ZNRF1: variants seen among roughly 807,000 people sequenced by gnomAD.
ZNRF1 encodes the protein E3 ubiquitin-protein ligase ZNRF1.
A neutral mutation model predicts 18.4 loss-of-function variants in ZNRF1; 3 were observed. That is an observed-to-expected ratio of 0.16 (90% confidence interval 0.07 to 0.42). The LOEUF (loss-of-function observed/expected upper bound fraction) is 0.42. ZNRF1 is among the 10% of genes least tolerant of loss of function. ZNRF1 has a pLI of 0.99. For missense variants in ZNRF1, 310 were observed against 329.8 expected (o/e 0.94, Z 0.47); for synonymous variants, 157 against 144.2 (o/e 1.09, Z -0.64).
intron 1 of ZNRF1, among the ~76,000 whole-genome samples, chr16:75,027,502 T>C (rs2035241581): frequency 6.6e-6 from 1 of 152,154 alleles, no homozygotes; most frequent in Non-Finnish European, 1.5e-5. Context: ...GTTTATAATA[T>C]CAGTCCTTTC....
intron 1 of ZNRF1, among the ~76,000 whole-genome samples, chr16:75,016,333 G>A (rs1224850820): frequency 1.3e-5 from 2 of 151,342 alleles, no homozygotes; most frequent in Non-Finnish European, 2.9e-5. Context: ...CCACCTCCCG[G>A]GTTCAAGCAA....
At chr16:75,053,561 C>A (rs2035632050) in intron 1 of ZNRF1, among the ~76,000 whole-genome samples, 1 of 147,710 alleles carries the variant, frequency 6.8e-6, no homozygotes. Context: ...TGCACTCCAG[C>A]CTTCTGTGAC....
intron 1 of ZNRF1, among the ~76,000 whole-genome samples, chr16:75,014,118 G>A (rs1397635464): frequency 6.6e-6 from 1 of 152,150 alleles, no homozygotes; most frequent in Non-Finnish European, 1.5e-5. Context: ...GGTGTGAGCT[G>A]CCGCGCCTAG....
rs983721221 is a variant in ZNRF1, at chr16:75,040,053, T to C, written c.424+39958T>C. On this transcript the variant is annotated intron_variant, in intron 1 of 4. Coordinates refer to ENST00000335325, the MANE Select transcript of ZNRF1 (RefSeq NM_032268.5). Reference sequence around the variant, plus strand: ...TCTTTCTTTTCTTTCTTTTTTTTTTTTTTTTTTTTTTTTTTGAGTCTTACT... The same window carrying C: ...TCTTTCTTTTCTTTCTTTTTTTTTTCTTTTTTTTTTTTTTTGAGTCTTACT... Among the ~76,000 whole-genome samples, 115 of 131,538 alleles carry C rather than the reference T, an allele frequency of 8.7e-4. 3 individuals are homozygous for C. The highest frequency in any genetic ancestry group is 2.8e-3 in the African/African-American group (98 of 34,474). The allele number at this position is 131,538 out of a possible 152,430, so 86.3% of individuals were successfully genotyped here.
intron 1 of ZNRF1, among the ~76,000 whole-genome samples, chr16:75,046,198 C>T (rs751159144): frequency 6.6e-6 from 1 of 151,896 alleles, no homozygotes; most frequent in Non-Finnish European, 1.5e-5. Context: ...TGAGCCACCG[C>T]GCCCAGCCAA....
At chr16:75,046,513 A>G (rs899644446) in intron 1 of ZNRF1, among the ~76,000 whole-genome samples, 1 of 151,570 alleles carries the variant, frequency 6.6e-6, no homozygotes, top group Non-Finnish European at 1.5e-5. Flanking sequence ...GGCCTCCCAA[A>G]ATGCTGAGAT....
At chr16:75,095,374 G>A (rs748399852) in intron 2 of ZNRF1, among the ~76,000 whole-genome samples, 5 of 152,134 alleles carry the variant, frequency 3.3e-5, no homozygotes, top group South Asian at 4.2e-4. Context: ...CAGTCCTGTC[G>A]CATGCATGCT....
intron 1 of ZNRF1, among the ~76,000 whole-genome samples, chr16:75,082,282 C>G (rs1567490043): frequency 6.6e-6 from 1 of 152,122 alleles, no homozygotes; most frequent in Non-Finnish European, 1.5e-5. Flanking sequence ...CCTTTGAGGG[C>G]CTCTCTTTGG....
At chr16:75,099,592 G>A (rs1279020327) in intron 2 of ZNRF1, among the ~76,000 whole-genome samples, 1 of 152,214 alleles carries the variant, frequency 6.6e-6, no homozygotes, top group Non-Finnish European at 1.5e-5. Context: ...CTTGGGAGGT[G>A]CTTCAGAGGT....
intron 2 of ZNRF1, among the ~76,000 whole-genome samples, chr16:75,096,514 A>T (rs1285028752): frequency 1.3e-5 from 2 of 152,104 alleles, no homozygotes; most frequent in African/African-American, 4.8e-5. Context: ...TTAAAAAAAG[A>T]CTTAAGAGTC....
chr16:75,032,606 TAAGAC>T (rs981317781), intron 1 of ZNRF1, among the ~76,000 whole-genome samples: 7 of 152,036 alleles, frequency 4.6e-5, no homozygotes, highest in East Asian at 3.9e-4. Context: ...TAGAAAATAA[TAAGAC>T]AAGTTACAGA....
intron 1 of ZNRF1, among the ~76,000 whole-genome samples, chr16:75,040,926 G>C (rs998714727): frequency 4.6e-5 from 7 of 152,074 alleles, no homozygotes; most frequent in Non-Finnish European, 1.0e-4. Context: ...ATGTTTTTAA[G>C]TTCATATGTG....
At chr16:75,051,777 A>G (rs2145375247) in intron 1 of ZNRF1, among the ~76,000 whole-genome samples, 1 of 152,296 alleles carries the variant, frequency 6.6e-6, no homozygotes, top group East Asian at 1.9e-4. Context: ...CAGCTTCCCG[A>G]AGTGCTGTGA....
rs1241823915 is a variant in ZNRF1, at chr16:75,050,879, AAAAAAAAAACAAAAAAAAAC to A, written c.425-42686_425-42667del. Among the ~76,000 whole-genome samples the A allele has an allele frequency of 3.7e-4, 42 of 112,200 alleles. 3 individuals are homozygous for A. Among genetic ancestry groups the A allele is most frequent in the Admixed American group, 1.2e-3 (14 of 11,306 alleles). The allele number at this position is 112,200 out of a possible 152,430, so 73.6% of individuals were successfully genotyped here. A position where few individuals can be genotyped will look rare whatever the true frequency, so the allele number is the denominator to read the frequency against. ...GAGCAAGACTCCGTCTCAAAAAAAA[AAAAAAAAAACAAAAAAAAAC>A]AAAAAACTTGTAGCCAGGTACAGTG... On this transcript the variant is annotated intron_variant, in intron 1 of 4. Coordinates refer to ENST00000335325, the MANE Select transcript of ZNRF1 (RefSeq NM_032268.5).
chr16:75,070,866 G>A (rs62059178), intron 1 of ZNRF1, among the ~76,000 whole-genome samples: 10,267 of 152,116 alleles, frequency 0.067, 390 homozygotes, highest in Admixed American at 0.13. Context: ...TAGAGTTTTC[G>A]TCACCTTGCT....
Position 75,109,279 on chromosome 16 carries a change from C to T in ZNRF1, c.*1579C>T, listed in dbSNP as rs1400061322. On this transcript the variant is annotated 3_prime_UTR_variant, in exon 5 of 5. Coordinates refer to ENST00000335325, the MANE Select transcript of ZNRF1 (RefSeq NM_032268.5). The stretch of plus-strand genomic sequence containing the variant: ...CGGGGCAGGGAGCAGCAGTGCAGGC[C>T]TGGCCTGTGTCCCCGTGCCCAGCGG... 6.5e-6 allele frequency: 1 copy of T among 152,712 alleles called. No homozygotes were observed. The highest frequency in any genetic ancestry group is 1.9e-4 in the East Asian group (1 of 5,198). 9.5% of individuals were successfully genotyped at this position (152,712 alleles called of 1,614,324 possible).
At chr16:75,102,141 G>A (rs1299452881) in intron 2 of ZNRF1, among the ~76,000 whole-genome samples, 1 of 152,182 alleles carries the variant, frequency 6.6e-6, no homozygotes, top group Non-Finnish European at 1.5e-5. Flanking sequence ...CTGGTGGGGG[G>A]CTTTGAGGAG....
At position 75,027,682 on chromosome 16, in the gene ZNRF1, C is replaced by G. The variant is rs144007296; in HGVS notation, c.424+27587C>G. On this transcript the variant is annotated intron_variant, in intron 1 of 4. Transcript: ENST00000335325. ...CTCTCAATCCTCTTCCCCTCTTTTGCCTTGTCACACTTGCTTGGCTAAATC... is the reference window on the plus strand; with the variant it reads ...CTCTCAATCCTCTTCCCCTCTTTTGGCTTGTCACACTTGCTTGGCTAAATC... Among the ~76,000 whole-genome samples, 13 of 152,258 alleles carry G rather than the reference C, an allele frequency of 8.5e-5. No homozygotes were observed. In the East Asian group the frequency reaches 2.5e-3, roughly 29 times the overall value.
intron 1 of ZNRF1, 73 bp downstream of exon 1, chr16:75,000,168 A>C: frequency 1.3e-6 from 2 of 1,546,894 alleles, no homozygotes; most frequent in South Asian, 2.4e-5. Context: ...GTGCGTGCCA[A>C]GGTTTGGGAA....
Sources: gnomAD v4.1 joint callset for allele counts (sites outside exome capture counted in the v4.1 genomes callset) on GRCh38, gnomAD v4.1.1 for gene constraint, MANE v1.5 for transcripts, NCBI Gene and HGNC (gene_info 2026-07-23, HGNC 2026-07-21) for gene names.